The following SLC8A1 variants were observed in gnomAD, a reference collection of about 807,000 sequenced individuals.
The protein encoded by SLC8A1 is solute carrier family 8 member A1.
A neutral mutation model predicts 68.3 loss-of-function variants in SLC8A1; 18 were observed. The observed-to-expected ratio is 0.26, with a 90% CI of 0.18 to 0.39. The LOEUF is 0.39. SLC8A1 is among the 10% of genes least tolerant of loss of function. The pLI is 1.00. For synonymous variants in SLC8A1, 475 were observed against 415.5 expected, an observed-to-expected ratio of 1.14 and a Z score of -1.74; for missense variants, 985 against 1,156.7, an observed-to-expected ratio of 0.85 and a Z score of 2.15.
At chr2:40,223,443 C>A (rs560479138) in intron 2 of SLC8A1, among the ~76,000 whole-genome samples, 1 of 151,924 alleles carries the variant, frequency 6.6e-6, no homozygotes, top group Admixed American at 6.6e-5. Flanking sequence ...TACAGCAAAC[C>A]GTCATGGCAC....
At chr2:40,363,476 T>C (rs1195604020) in intron 2 of SLC8A1, among the ~76,000 whole-genome samples, 1 of 152,028 alleles carries the variant, frequency 6.6e-6, no homozygotes, top group Non-Finnish European at 1.5e-5. Context: ...TTGTGAAGAT[T>C]AGAGATGATC....
intron 1 of SLC8A1, among the ~76,000 whole-genome samples, chr2:40,501,018 C>A (rs1706030398): frequency 6.6e-6 from 1 of 151,812 alleles, no homozygotes. Context: ...AAAAACTCTC[C>A]TACCTGTTCT....
intron 2 of SLC8A1, among the ~76,000 whole-genome samples, chr2:40,215,792 A>G (rs925827219): frequency 3.3e-5 from 5 of 151,930 alleles, no homozygotes; most frequent in Admixed American, 1.3e-4. Context: ...TGCTTGGCCT[A>G]TGTTAGCTAC....
chr2:40,340,477 C>T (rs1244778186), intron 2 of SLC8A1, among the ~76,000 whole-genome samples: 1 of 152,158 alleles, frequency 6.6e-6, no homozygotes, highest in African/African-American at 2.4e-5. Context: ...AGGAGAATCA[C>T]TTGAACCTGG....
At chr2:40,203,924 C>T (rs951916711) in intron 2 of SLC8A1, among the ~76,000 whole-genome samples, 58 of 151,940 alleles carry the variant, frequency 3.8e-4, no homozygotes, top group African/African-American at 1.4e-3. Context: ...CTATGTTACT[C>T]AAGCTGGTCT....
chr2:40,343,788 T>G (rs1255708028), intron 2 of SLC8A1, among the ~76,000 whole-genome samples: 1 of 152,198 alleles, frequency 6.6e-6, no homozygotes, highest in South Asian at 2.1e-4. Context: ...GGAAATGTAT[T>G]TATTTTCAAA....
At chr2:40,489,569 G>A (rs771495924) in intron 1 of SLC8A1, among the ~76,000 whole-genome samples, 2 of 152,260 alleles carry the variant, frequency 1.3e-5, no homozygotes, top group Middle Eastern at 3.4e-3. Flanking sequence ...TAACGGGACT[G>A]TGACATACTA....
At chr2:40,417,051 A>T (rs1485835808) in intron 2 of SLC8A1, among the ~76,000 whole-genome samples, 1 of 152,176 alleles carries the variant, frequency 6.6e-6, no homozygotes, top group Non-Finnish European at 1.5e-5. Flanking sequence ...GGAGCATTTT[A>T]AAATGTCTTA....
chr2:40,198,034 G>T (rs567123635), intron 2 of SLC8A1, among the ~76,000 whole-genome samples: 1 of 151,994 alleles, frequency 6.6e-6, no homozygotes, highest in Non-Finnish European at 1.5e-5. Flanking sequence ...TATCAGAATG[G>T]ACCAGATGAG....
At chr2:40,242,659 G>A (rs1437735000) in intron 2 of SLC8A1, among the ~76,000 whole-genome samples, 1 of 152,128 alleles carries the variant, frequency 6.6e-6, no homozygotes, top group Non-Finnish European at 1.5e-5. Flanking sequence ...ATTTACTCAT[G>A]GTATTGCCTT....
intron 2 of SLC8A1, among the ~76,000 whole-genome samples, chr2:40,189,477 C>T (rs749481060): frequency 2.7e-4 from 41 of 152,112 alleles, no homozygotes; most frequent in African/African-American, 2.4e-4. Context: ...CATGCCACCG[C>T]GCCCGAATAA....
chr2:40,281,167 G>A (rs1422029376), intron 2 of SLC8A1, among the ~76,000 whole-genome samples: 6 of 152,036 alleles, frequency 3.9e-5, no homozygotes, highest in Non-Finnish European at 5.9e-5. Context: ...ATTAACAAAC[G>A]GAGTTTACCA....
chr2:40,461,820 T>G (rs558336255), intron 1 of SLC8A1, among the ~76,000 whole-genome samples: 2 of 152,288 alleles, frequency 1.3e-5, no homozygotes, highest in Admixed American at 1.3e-4. Context: ...ATTTTTCATG[T>G]GTATTTTTGA....
intron 1 of SLC8A1, among the ~76,000 whole-genome samples, chr2:40,499,634 T>C (rs773057588): frequency 3.9e-5 from 6 of 152,064 alleles, no homozygotes; most frequent in Non-Finnish European, 8.8e-5. Flanking sequence ...CATCAGAGTT[T>C]ATGGGGGGAG....
At chr2:40,358,577 T>C (rs1177460218) in intron 2 of SLC8A1, among the ~76,000 whole-genome samples, 1 of 152,218 alleles carries the variant, frequency 6.6e-6, no homozygotes, top group African/African-American at 2.4e-5. Flanking sequence ...TTTGTGGAGC[T>C]GAACTGAGGA....
At chr2:40,280,746 AG>A (rs1022100825) in intron 2 of SLC8A1, among the ~76,000 whole-genome samples, 3 of 152,206 alleles carry the variant, frequency 2.0e-5, no homozygotes, top group Admixed American at 2.0e-4. Context: ...CCAGACCAAA[AG>A]TTTCAAGAAA....
chr2:40,503,590 TAAAC>T (rs1390452015), intron 1 of SLC8A1, among the ~76,000 whole-genome samples: 1 of 152,052 alleles, frequency 6.6e-6, no homozygotes, highest in Admixed American at 6.6e-5. Flanking sequence ...ATTCAACTGA[TAAAC>T]AAATTTAGTA....
intron 1 of SLC8A1, among the ~76,000 whole-genome samples, chr2:40,487,719 A>G (rs1705060264): frequency 6.6e-6 from 1 of 152,166 alleles, no homozygotes; most frequent in African/African-American, 2.4e-5. Context: ...TGACTCCAAG[A>G]GAGGGGAACA....
intron 2 of SLC8A1, among the ~76,000 whole-genome samples, chr2:40,305,761 CAA>C (rs2072459215): frequency 6.6e-6 from 1 of 152,156 alleles, no homozygotes. Flanking sequence ...AAGTGTATTA[CAA>C]GAGAAAGAAG....
Sources: allele counts gnomAD v4.1 joint callset (sites outside exome capture counted in the v4.1 genomes callset), GRCh38; gene constraint gnomAD v4.1.1; transcripts MANE v1.5; gene names NCBI Gene and HGNC (gene_info 2026-07-23, HGNC 2026-07-21).